LINGO2: variants seen among roughly 807,000 people sequenced by gnomAD.
LINGO2 encodes leucine-rich repeat and immunoglobulin-like domain-containing nogo receptor-interacting protein 2.
In LINGO2, 14 loss-of-function variants were observed where a neutral mutation model predicts 30.6. The observed-to-expected ratio is 0.46, with a 90% CI of 0.30 to 0.72. LINGO2 has a LOEUF of 0.72. Among genes scored for constraint, LINGO2 ranks in the 30% least tolerant of loss-of-function variants. The probability of loss-of-function intolerance (pLI) is 0.07; values close to 1 mark genes in which losing one functional copy is unlikely to be tolerated. For missense variants in LINGO2, 729 were observed against 751.7 expected, an observed-to-expected ratio of 0.97 and a Z score of 0.35; for synonymous variants, 317 against 288.5, an observed-to-expected ratio of 1.10 and a Z score of -1.00.
intron 1 of LINGO2, among the ~76,000 whole-genome samples, chr9:28,521,119 A>C (rs1178444525): frequency 6.6e-6 from 1 of 152,214 alleles, no homozygotes; most frequent in Non-Finnish European, 1.5e-5. Flanking sequence ...CCTCTGAATT[A>C]TTTGTTATGA....
chr9:28,231,961 A>T (rs1821371512), intron 4 of LINGO2, among the ~76,000 whole-genome samples: 1 of 152,124 alleles, frequency 6.6e-6, no homozygotes, highest in South Asian at 2.1e-4. Flanking sequence ...GTCAATATTC[A>T]ATGTTTATAT....
chr9:28,945,757 G>C, the LINGO2 span, among the ~76,000 whole-genome samples: 4 of 152,120 alleles, frequency 2.6e-5, no homozygotes, highest in African/African-American at 9.7e-5. Flanking sequence ...TGTTGCCCTA[G>C]AGAAGCAAAT....
chr9:28,089,291 C>T (rs1826005519), intron 4 of LINGO2, among the ~76,000 whole-genome samples: 1 of 152,150 alleles, frequency 6.6e-6, no homozygotes, highest in Non-Finnish European at 1.5e-5. Flanking sequence ...CACACTTATT[C>T]CAAAATTGAC....
chr9:28,482,295 G>A (rs1826003060), intron 1 of LINGO2, among the ~76,000 whole-genome samples: 1 of 151,978 alleles, frequency 6.6e-6, no homozygotes, highest in Non-Finnish European at 1.5e-5. Context: ...GTTGTTTCCT[G>A]ACTTTTTAAT....
chr9:29,191,077 T>C, the LINGO2 span, among the ~76,000 whole-genome samples: 2 of 152,176 alleles, frequency 1.3e-5, no homozygotes, highest in Non-Finnish European at 2.9e-5. Context: ...TAGACCACGG[T>C]GTGAGAGAGA....
chr9:28,614,005 T>C (rs1826030520), intron 1 of LINGO2, among the ~76,000 whole-genome samples: 1 of 152,122 alleles, frequency 6.6e-6, no homozygotes, highest in Non-Finnish European at 1.5e-5. Context: ...TCATGGGCCA[T>C]TCTAAAAGAG....
chr9:28,634,698 C>A (rs983877334), intron 1 of LINGO2, among the ~76,000 whole-genome samples: 2 of 151,902 alleles, frequency 1.3e-5, no homozygotes, highest in African/African-American at 4.8e-5. Flanking sequence ...TTTGGCCAGG[C>A]TGGTCTCAAA....
intron 1 of LINGO2, among the ~76,000 whole-genome samples, chr9:28,522,048 A>AT (rs1158625362): frequency 2.0e-5 from 3 of 152,186 alleles, no homozygotes; most frequent in Admixed American, 2.0e-4. Flanking sequence ...ATAAATTTCT[A>AT]TTTTTTAAGT....
chr9:29,190,507 T>C, the LINGO2 span, among the ~76,000 whole-genome samples: 1 of 152,166 alleles, frequency 6.6e-6, no homozygotes, highest in Non-Finnish European at 1.5e-5. Flanking sequence ...CTTATTTAGT[T>C]ATTCCCAGTG....
At chr9:28,075,395 T>C (rs1825594154) in intron 4 of LINGO2, among the ~76,000 whole-genome samples, 1 of 151,964 alleles carries the variant, frequency 6.6e-6, no homozygotes, top group African/African-American at 2.4e-5. Context: ...TTTATGATTA[T>C]AATTAATGCT....
At chr9:28,832,824 T>C in the LINGO2 span, among the ~76,000 whole-genome samples, 1 of 152,162 alleles carries the variant, frequency 6.6e-6, no homozygotes, top group African/African-American at 2.4e-5. Context: ...AGTCAACCTT[T>C]TGCTATATCC....
rs1322728555 is a variant in LINGO2 at position 28,309,193 on chromosome 9, C to T, written c.-245-13827G>A. 2.6e-5 allele frequency among the ~76,000 whole-genome samples: 4 copies of T among 151,968 alleles called. 1 individual carries two copies. The highest frequency in any genetic ancestry group is 4.1e-4 in the South Asian group (2 of 4,822). ...AGTTGGAAGCAACCCAAATGTCCAA[C>T]GAAGATAGACTGGATTAAGAAAATG... is the stretch of plus-strand genomic sequence containing the variant. On this transcript the variant is annotated intron_variant, in intron 3 of 5. Transcript: ENST00000379992.
At chr9:29,083,934 C>A in the LINGO2 span, among the ~76,000 whole-genome samples, 1 of 151,978 alleles carries the variant, frequency 6.6e-6, no homozygotes, top group Non-Finnish European at 1.5e-5. Context: ...TTACCTGGTA[C>A]CTTGATACTT....
At chr9:28,733,326 A>G in the LINGO2 span, among the ~76,000 whole-genome samples, 2 of 152,238 alleles carry the variant, frequency 1.3e-5, no homozygotes, top group Admixed American at 6.5e-5. Context: ...TACAAGCCAT[A>G]TTTGGGTTTA....
intron 3 of LINGO2, among the ~76,000 whole-genome samples, chr9:28,370,076 G>A (rs1820835036): frequency 6.6e-6 from 1 of 152,094 alleles, no homozygotes; most frequent in South Asian, 2.1e-4. Context: ...AGGACAAAAG[G>A]AAATTAGATC....
At chr9:28,133,014 A>G (rs1039438537) in intron 4 of LINGO2, among the ~76,000 whole-genome samples, 1 of 152,218 alleles carries the variant, frequency 6.6e-6, no homozygotes, top group Non-Finnish European at 1.5e-5. Context: ...TTTAACATAA[A>G]TACCCTAAGA....
the LINGO2 span, among the ~76,000 whole-genome samples, chr9:29,074,012 A>C: frequency 3.4e-5 from 5 of 146,450 alleles, no homozygotes; most frequent in Non-Finnish European, 6.0e-5. Flanking sequence ...GGATTTTCAC[A>C]ATTTTTCTTT....
intron 1 of LINGO2, among the ~76,000 whole-genome samples, chr9:28,487,381 A>G (rs1410180017): frequency 1.3e-5 from 2 of 152,180 alleles, no homozygotes; most frequent in African/African-American, 2.4e-5. Flanking sequence ...GCATAAGCCA[A>G]TCCTACTTGA....
At chr9:28,827,288 T>A in the LINGO2 span, among the ~76,000 whole-genome samples, 1 of 152,200 alleles carries the variant, frequency 6.6e-6, no homozygotes, top group South Asian at 2.1e-4. Context: ...ATTTTTGAGA[T>A]GGCTCTAATT....
Sources: allele counts gnomAD v4.1 joint callset (sites outside exome capture counted in the v4.1 genomes callset), GRCh38; gene constraint gnomAD v4.1.1; transcripts MANE v1.5; gene names NCBI Gene and HGNC (gene_info 2026-07-23, HGNC 2026-07-21).